Variants in NANOG observed in about 807,000 individuals in gnomAD.
NANOG encodes the protein Nanog homeobox, also known as homeobox protein NANOG.
NANOG carries 2 observed loss-of-function variants against 17.7 expected under a neutral mutation model. That is an observed-to-expected ratio of 0.11 (90% CI 0.05 to 0.36). The LOEUF is 0.36. NANOG is among the 10% of genes least tolerant of loss of function. The pLI, the probability that NANOG is intolerant of heterozygous loss-of-function variation, is 1.00. For synonymous variants in NANOG, 81 were observed against 124.7 expected (o/e 0.65, Z 2.33); for missense variants, 174 against 362.1 (o/e 0.48, Z 4.22).
At position 7,798,476 on chromosome 12, in the gene NANOG, A is replaced by C. The variant is rs1862958220; in HGVS notation, c.*3381A>C. The stretch of plus-strand genomic sequence containing the variant: ...AATTTTCCTTTCTTTTCCCAAAAGG[A>C]GGTGTGTGTTACTTCCAATGCTATA... On this transcript the variant is annotated 3_prime_UTR_variant, in exon 4 of 4. Coordinates refer to ENST00000229307, the MANE Select transcript of NANOG (RefSeq NM_024865.4). The C allele has an allele frequency of 1.3e-5, 2 of 152,340 alleles. No homozygotes were observed. Among genetic ancestry groups the C allele is most frequent in the South Asian group, 4.1e-4 (2 of 4,832 alleles). The allele number at this position is 152,340 out of a possible 1,614,324, so 9.4% of individuals were successfully genotyped here.
Position 7,794,480 on chromosome 12 carries a change from G to A in NANOG, c.438G>A (p.Gln146=). ...AGGTGAAGACCTGGTTCCAGAACCA[G>A]AGAATGAAATCTAAGAGGTGGCAGA... ...YKQVKTWFQN[Q]RMKSKRWQKN... is the part of the protein sequence containing the mutation. Residue 146 remains glutamine (Q), a synonymous_variant, in exon 3 of 4, where the codon CAG becomes CAA. Transcript: ENST00000229307. 1 of 1,613,226 alleles carries A rather than the reference G, an allele frequency of 6.2e-7. No individual in the cohort carries two copies.
chr12:7,791,337 C>T (rs1216550366), intron 1 of NANOG, among the ~76,000 whole-genome samples: 2 of 152,042 alleles, frequency 1.3e-5, no homozygotes, highest in East Asian at 1.9e-4. Context: ...TCTCAAACTC[C>T]TGACCTCAAG....
At chr12:7,792,324 C>T (rs1356205651) in intron 1 of NANOG, among the ~76,000 whole-genome samples, 1 of 152,100 alleles carries the variant, frequency 6.6e-6, no homozygotes, top group African/African-American at 2.4e-5. Flanking sequence ...TCCATTCTGA[C>T]CTATTAACAC....
chr12:7,789,863 A>T, intron 1 of NANOG, 98 bp downstream of exon 1: 1 of 1,264,746 alleles, frequency 7.9e-7, no homozygotes, highest in Non-Finnish European at 1.1e-6. Flanking sequence ...GCAATGATGG[A>T]CCATTACTAT....
chr12:7,796,456 G>A lies in NANOG; in HGVS notation c.*1361G>A, dbSNP rs777098478. On this transcript the variant is annotated 3_prime_UTR_variant, in exon 4 of 4. Transcript: ENST00000229307. ...TTCCGTGTATGAATCTGTAATTGAT[G>A]CTAACATTTAAAGTTTCATCAGAGG... is the stretch of plus-strand genomic sequence containing the variant. 2 of 152,156 alleles carry A rather than the reference G, an allele frequency of 1.3e-5. No individual in the cohort carries two copies. The highest frequency in any genetic ancestry group is 2.9e-5 in the Non-Finnish European group (2 of 68,036). The allele number at this position is 152,156 out of a possible 1,614,324, so 9.4% of individuals were successfully genotyped here.
At chr12:7,790,223 A>G (rs2120558994) in intron 1 of NANOG, among the ~76,000 whole-genome samples, 1 of 152,330 alleles carries the variant, frequency 6.6e-6, no homozygotes, top group Non-Finnish European at 1.5e-5. Context: ...GCAAATCACG[A>G]TGAGATTTCT....
At position 7,797,100 on chromosome 12, in the gene NANOG, G is replaced by GC. The variant is rs1862941807; in HGVS notation, c.*2006dup. ...TAGACAGTCTCTCTCTATTGCCCAG[G>GC]CTGGAGTGCAGTGGCACAATCTTGG... is the stretch of plus-strand genomic sequence containing the variant. On this transcript the variant is annotated 3_prime_UTR_variant, in exon 4 of 4. Transcript: ENST00000229307. 1 of 151,788 alleles carries GC rather than the reference G, an allele frequency of 6.6e-6. No homozygotes were observed. Among genetic ancestry groups the GC allele is most frequent in the Admixed American group, 6.6e-5 (1 of 15,166 alleles). 9.4% of individuals were successfully genotyped at this position (151,788 alleles called of 1,614,324 possible). A position where few individuals can be genotyped will look rare whatever the true frequency, so the allele number is the denominator to read the frequency against.
intron 1 of NANOG, 112 bp downstream of exon 1, chr12:7,789,877 G>GGA (rs1565475863): frequency 2.4e-5 from 28 of 1,159,442 alleles, no homozygotes; most frequent in South Asian, 1.5e-4. Context: ...TTACTATAAA[G>GGA]AAGTGTTATT....
At position 7,793,050 on chromosome 12, in the gene NANOG, C is replaced by T. The variant is rs759658381; in HGVS notation, c.252C>T (p.Val84=). ...AACCCACTTCTGCAGAGAAGAGTGT[C>T]GCAAAAAAGGAAGACAAGGTCCCGG... ...GKQPTSAEKS[V]AKKEDKVPVK... is the part of the protein sequence containing the mutation. The change falls in exon 2 of 4, where the codon GTC becomes GTT. Residue 84 remains valine, a synonymous_variant. Transcript: ENST00000229307. 30 of 1,609,032 alleles carry T rather than the reference C, an allele frequency of 1.9e-5. No individual in the cohort carries two copies. Among genetic ancestry groups the T allele is most frequent in the Admixed American group, 1.8e-4 (11 of 59,892 alleles).
chr12:7,789,882 G>A (rs2120557829), intron 1 of NANOG, 117 bp downstream of exon 1: 2 of 1,088,470 alleles, frequency 1.8e-6, no homozygotes, highest in South Asian at 2.8e-5. Flanking sequence ...ATAAAGAAGT[G>A]TTATTATCAA....
intron 1 of NANOG, among the ~76,000 whole-genome samples, chr12:7,792,706 G>A (rs141811061): frequency 2.0e-4 from 30 of 152,058 alleles, no homozygotes; most frequent in African/African-American, 6.5e-4. Context: ...CAATGCATTG[G>A]CCACCATTAT....
At position 7,797,768 on chromosome 12, in the gene NANOG, C is replaced by T. The variant is rs1168905569; in HGVS notation, c.*2673C>T. 1.3e-5 allele frequency: 2 copies of T among 151,684 alleles called. No homozygotes were observed. The highest frequency in any genetic ancestry group is 3.9e-4 in the East Asian group (2 of 5,150). The allele number at this position is 151,684 out of a possible 1,614,324, so 9.4% of individuals were successfully genotyped here. ...TCCCGGATTCAAGCAATCCTCCTGC[C>T]TGAGTCTCTCAAATAGCCCAGACTA... is the stretch of plus-strand genomic sequence containing the variant. On this transcript the variant is annotated 3_prime_UTR_variant, in exon 4 of 4. Coordinates refer to ENST00000229307, the MANE Select transcript of NANOG (RefSeq NM_024865.4).
intron 1 of NANOG, among the ~76,000 whole-genome samples, chr12:7,790,250 G>T (rs928487411): frequency 6.6e-6 from 1 of 152,306 alleles, no homozygotes; most frequent in South Asian, 2.1e-4. Flanking sequence ...CATAATTTGG[G>T]TAATTCTTTC....
chr12:7,790,331 G>C (rs1862822617), intron 1 of NANOG, among the ~76,000 whole-genome samples: 1 of 152,312 alleles, frequency 6.6e-6, no homozygotes, highest in Admixed American at 6.5e-5. Context: ...CTGAGTTTGG[G>C]AGCACCTCCC....
rs1240254707 is a variant in NANOG at position 7,798,796 on chromosome 12, CTA to C, written c.*3702_*3703del. On this transcript the variant is annotated 3_prime_UTR_variant, in exon 4 of 4. Coordinates refer to ENST00000229307, the MANE Select transcript of NANOG (RefSeq NM_024865.4). ...AAAAATACAGGCTGTGACTACAAAC[CTA>C]AAAGTAAAGGCAAACAACTGCCAGA... The C allele has an allele frequency of 2.8e-5, 2 of 70,270 alleles. No individual in the cohort carries two copies. Among genetic ancestry groups the C allele is most frequent in the Non-Finnish European group, 5.7e-5 (2 of 35,186 alleles). 4.4% of individuals were successfully genotyped at this position (70,270 alleles called of 1,614,324 possible). A position where few individuals can be genotyped will look rare whatever the true frequency, so the allele number is the denominator to read the frequency against.
In NANOG at chr12:7,794,324, T is replaced by C. The variant is rs750817803; in HGVS notation, c.415-133T>C. On this transcript the variant is annotated intron_variant, in intron 2 of 3. Transcript: ENST00000229307. ...CTGGGCTCAAGCAATCTGCCCGCCT[T>C]GGCCTTCCAAAGTGTTGGGATTACA... The C allele has an allele frequency of 1.3e-5, 10 of 791,042 alleles. No homozygotes were observed. The South Asian group carries it at 1.8e-4, about 14-fold the overall frequency. The allele number at this position is 791,042 out of a possible 1,614,324, so 49.0% of individuals were successfully genotyped here. A position where few individuals can be genotyped will look rare whatever the true frequency, so the allele number is the denominator to read the frequency against.
In NANOG at chr12:7,795,466, C is replaced by A; in HGVS notation, c.*371C>A. ...CCTCCCGAGCAGCTGGGACTACAGG[C>A]GCCCGCCACCTCGCCCGGCTAATAT... On this transcript the variant is annotated 3_prime_UTR_variant, in exon 4 of 4. Transcript: ENST00000229307. The A allele has an allele frequency of 3.7e-6, 1 of 268,620 alleles. No homozygotes were observed. Among genetic ancestry groups the A allele is most frequent in the South Asian group, 3.8e-5 (1 of 26,080 alleles). 16.6% of individuals were successfully genotyped at this position (268,620 alleles called of 1,614,324 possible).
At position 7,789,497 on chromosome 12, in the gene NANOG, A is replaced by G; in HGVS notation, c.-118A>G. 1 of 832,104 alleles carries G rather than the reference A, an allele frequency of 1.2e-6. No homozygotes were observed. The highest frequency in any genetic ancestry group is 1.7e-5 in the South Asian group (1 of 59,786). 51.5% of individuals were successfully genotyped at this position (832,104 alleles called of 1,614,324 possible). A position where few individuals can be genotyped will look rare whatever the true frequency, so the allele number is the denominator to read the frequency against. On this transcript the variant is annotated 5_prime_UTR_variant, in exon 1 of 4. It removes the in-frame stop codon of an upstream open reading frame in the 5' UTR. Coordinates refer to ENST00000229307, the MANE Select transcript of NANOG (RefSeq NM_024865.4). ...CAACTCACTTTATCCCAATTTCTTG[A>G]TACTTTTCCTTCTGGAGGTCCTATT...
In NANOG at chr12:7,796,772, GT is replaced by G. The variant is rs71038761; in HGVS notation, c.*1686del. ...AAGTGTTTTTTTTTTGTTTTATTTT[GT>G]TTTTTTTTAAGACTGGAGTCTTACT... On this transcript the variant is annotated 3_prime_UTR_variant, in exon 4 of 4. Transcript: ENST00000229307. The G allele has an allele frequency of 0.7, 104,603 of 149,360 alleles. 37,963 individuals are homozygous for G. Among genetic ancestry groups the G allele is most frequent in the South Asian group, 0.82 (3,893 of 4,768 alleles). 9.3% of individuals were successfully genotyped at this position (149,360 alleles called of 1,614,324 possible). A position where few individuals can be genotyped will look rare whatever the true frequency, so the allele number is the denominator to read the frequency against.
Sources: allele counts gnomAD v4.1 joint callset (sites outside exome capture counted in the v4.1 genomes callset), GRCh38; gene constraint gnomAD v4.1.1; transcripts MANE v1.5; gene names NCBI Gene and HGNC (gene_info 2026-07-23, HGNC 2026-07-21).